NUP93: variants seen among roughly 807,000 people sequenced by gnomAD.
The protein encoded by NUP93 is nuclear pore complex protein Nup93.
NUP93 carries 55 observed loss-of-function variants against 107.8 expected under a neutral mutation model. The ratio of observed to expected loss-of-function variants is 0.51; its 90% CI spans 0.41 to 0.64. NUP93 has a LOEUF of 0.64. Ranked by LOEUF, NUP93 falls within the 30% of genes least tolerant of loss-of-function variation. The pLI is 0.00. For missense variants in NUP93, 937 were observed against 1,044.7 expected, an observed-to-expected ratio of 0.90 and a Z score of 1.42; for synonymous variants, 390 against 397.5, an observed-to-expected ratio of 0.98 and a Z score of 0.22.
chr16:56,751,228 C>T (rs1490027638), intron 2 of NUP93, among the ~76,000 whole-genome samples: 3 of 152,108 alleles, frequency 2.0e-5, no homozygotes, highest in Admixed American at 6.5e-5. Context: ...TGTCATCCAA[C>T]GTAACCAATG....
chr16:56,768,824 C>T (rs1249208524), intron 3 of NUP93, among the ~76,000 whole-genome samples: 6 of 149,386 alleles, frequency 4.0e-5, no homozygotes, highest in African/African-American at 1.5e-4. Flanking sequence ...CCGAGATTGC[C>T]CCACTGCACT....
intron 1 of NUP93, among the ~76,000 whole-genome samples, chr16:56,735,881 A>C (rs1394027259): frequency 6.6e-6 from 1 of 151,076 alleles, no homozygotes; most frequent in African/African-American, 2.4e-5. Context: ...GGGTGCATAG[A>C]GTTGGGGGCA....
intron 5 of NUP93, among the ~76,000 whole-genome samples, chr16:56,813,648 C>T (rs1253783373): frequency 3.3e-5 from 5 of 152,244 alleles, no homozygotes; most frequent in Admixed American, 3.3e-4. Context: ...CACAACCTGT[C>T]AGTGGTGTAT....
At chr16:56,836,966 C>A (rs932978642) in intron 17 of NUP93, among the ~76,000 whole-genome samples, 2 of 152,238 alleles carry the variant, frequency 1.3e-5, no homozygotes, top group Non-Finnish European at 2.9e-5. Context: ...ACTGTTGTCT[C>A]ACTTGGCAGC....
chr16:56,734,998 G>A (rs185512445), intron 1 of NUP93, among the ~76,000 whole-genome samples: 52 of 152,316 alleles, frequency 3.4e-4, no homozygotes, highest in African/African-American at 1.1e-3. Flanking sequence ...GACACCAGAG[G>A]TCTGCTGTGA....
At chr16:56,827,284 A>G (rs1045362850) in intron 8 of NUP93, among the ~76,000 whole-genome samples, 1 of 152,168 alleles carries the variant, frequency 6.6e-6, no homozygotes, top group Admixed American at 6.5e-5. Flanking sequence ...AAACCACTGC[A>G]GAGGATTTTA....
At chr16:56,828,947 T>C in intron 8 of NUP93, 30 bp from the exon 9 acceptor site, 2 of 1,609,270 alleles carry the variant, frequency 1.2e-6, no homozygotes, top group Non-Finnish European at 1.7e-6. Context: ...TTTTCAGTCT[T>C]CCCTGTTTTT....
intron 6 of NUP93, among the ~76,000 whole-genome samples, chr16:56,819,423 T>C (rs1358668904): frequency 6.6e-6 from 1 of 152,234 alleles, no homozygotes; most frequent in Non-Finnish European, 1.5e-5. Context: ...AAAAATATCC[T>C]GTTTCTTGAA....
intron 10 of NUP93, among the ~76,000 whole-genome samples, chr16:56,831,044 CT>C (rs1963774624): frequency 6.6e-6 from 1 of 152,134 alleles, no homozygotes; most frequent in South Asian, 2.1e-4. Context: ...ACACTTAATG[CT>C]TTTTTGGTCA....
At chr16:56,769,908 A>G (rs1470993579) in intron 3 of NUP93, among the ~76,000 whole-genome samples, 2 of 152,208 alleles carry the variant, frequency 1.3e-5, no homozygotes, top group Non-Finnish European at 2.9e-5. Flanking sequence ...TGTATTGTAT[A>G]ATATGATTTG....
intron 3 of NUP93, among the ~76,000 whole-genome samples, chr16:56,793,028 T>G (rs544774252): frequency 3.3e-4 from 50 of 151,694 alleles, no homozygotes; most frequent in Non-Finnish European, 1.5e-5. Context: ...TAGGGGAGAG[T>G]GGGATGATTA....
In NUP93 at chr16:56,844,994, A is replaced by T. The variant is rs1964098983; in HGVS notation, c.*385A>T. The T allele has an allele frequency of 3.5e-6, 1 of 288,970 alleles. No homozygotes were observed. The highest frequency in any genetic ancestry group is 6.4e-6 in the Non-Finnish European group (1 of 157,222). 17.9% of individuals were successfully genotyped at this position (288,970 alleles called of 1,614,324 possible). On this transcript the variant is annotated 3_prime_UTR_variant, in exon 22 of 22. Transcript: ENST00000308159. The stretch of plus-strand genomic sequence containing the variant: ...CTTTTATTTAGATATAATATTCCAT[A>T]TAGCAGAGTCACGATTCATTTTCAC...
At chr16:56,809,019 A>G (rs1207383717) in intron 5 of NUP93, among the ~76,000 whole-genome samples, 4 of 151,948 alleles carry the variant, frequency 2.6e-5, no homozygotes, top group Non-Finnish European at 5.9e-5. Flanking sequence ...TCTTATCCCC[A>G]TTCCTTCTTA....
Position 56,758,493 on chromosome 16 carries a change from A to T in NUP93, c.180-45A>T, listed in dbSNP as rs775638954. On this transcript the variant is annotated intron_variant, in intron 2 of 21. Coordinates refer to ENST00000308159, the MANE Select transcript of NUP93 (RefSeq NM_014669.5). ...TATTAGATGTCCTAATCCTAATCCTAATTTTCCCCTTACTTATATCTCCCT... is the reference window on the plus strand; with the variant it reads ...TATTAGATGTCCTAATCCTAATCCTTATTTTCCCCTTACTTATATCTCCCT... 17 of 1,425,912 alleles carry T rather than the reference A, an allele frequency of 1.2e-5. No homozygotes were observed. In the African/African-American group the frequency reaches 2.1e-4, roughly 18 times the overall value. 88.3% of individuals were successfully genotyped at this position (1,425,912 alleles called of 1,614,324 possible). A position where few individuals can be genotyped will look rare whatever the true frequency, so the allele number is the denominator to read the frequency against.
rs1964110948 is a variant in NUP93, at chr16:56,845,898, G to T, written c.*1289G>T. ...GGAACCAACTGCTGCTTATCGGTAG[G>T]ATTCCATGTTCCAGGAAGGATGCGG... is the stretch of plus-strand genomic sequence containing the variant. On this transcript the variant is annotated 3_prime_UTR_variant, in exon 22 of 22. Coordinates refer to ENST00000308159, the MANE Select transcript of NUP93 (RefSeq NM_014669.5). 6.6e-6 allele frequency: 1 copy of T among 152,200 alleles called. No individual in the cohort carries two copies. 9.4% of individuals were successfully genotyped at this position (152,200 alleles called of 1,614,324 possible).
intron 3 of NUP93, among the ~76,000 whole-genome samples, chr16:56,765,402 A>G (rs1358475928): frequency 6.6e-6 from 1 of 152,186 alleles, no homozygotes; most frequent in East Asian, 1.9e-4. Context: ...GCTGTTTCTC[A>G]GCTTATGACA....
At chr16:56,740,511 G>A (rs1255813295) in intron 1 of NUP93, among the ~76,000 whole-genome samples, 2 of 147,116 alleles carry the variant, frequency 1.4e-5, no homozygotes, top group Non-Finnish European at 3.0e-5. Context: ...ATGGGATGGC[G>A]GCCGGGCGGA....
intron 5 of NUP93, among the ~76,000 whole-genome samples, chr16:56,818,077 T>A (rs571608104): frequency 6.6e-6 from 1 of 152,358 alleles, no homozygotes; most frequent in Non-Finnish European, 1.5e-5. Flanking sequence ...GGGAGATGGA[T>A]ATATGTACAG....
At chr16:56,751,766 A>T (rs1339712421) in intron 2 of NUP93, among the ~76,000 whole-genome samples, 12 of 151,942 alleles carry the variant, frequency 7.9e-5, no homozygotes, top group Non-Finnish European at 2.9e-5. Context: ...TTGTCCTTCT[A>T]CTCTCCTGGA....
Sources: allele counts gnomAD v4.1 joint callset (sites outside exome capture counted in the v4.1 genomes callset), GRCh38; gene constraint gnomAD v4.1.1; transcripts MANE v1.5; gene names NCBI Gene and HGNC (gene_info 2026-07-23, HGNC 2026-07-21).